The following MFSD6 variants were observed in gnomAD, a reference collection of about 807,000 sequenced individuals.
The protein encoded by MFSD6 is major facilitator superfamily domain containing 6.
Under a neutral mutation model 56.3 loss-of-function variants are expected in MFSD6, and 26 were observed. That is an observed-to-expected ratio of 0.46 (90% CI 0.34 to 0.64). The LOEUF (loss-of-function observed/expected upper bound fraction) is 0.64. MFSD6 is among the 30% of genes least tolerant of loss of function. MFSD6 has a pLI of 0.01. For synonymous variants in MFSD6, 331 were observed against 366.9 expected, an observed-to-expected ratio of 0.90 and a Z score of 1.12; for missense variants, 750 against 986.2, an observed-to-expected ratio of 0.76 and a Z score of 3.21.
In MFSD6 at chr2:190,462,596, A is replaced by C. The variant is rs1230723687; in HGVS notation, c.1533-7162A>C. 6.6e-6 allele frequency among the ~76,000 whole-genome samples: 1 copy of C among 152,176 alleles called. No individual in the cohort carries two copies. Among genetic ancestry groups the C allele is most frequent in the Admixed American group, 6.6e-5 (1 of 15,266 alleles). On this transcript the variant is annotated intron_variant, in intron 3 of 7. Coordinates refer to ENST00000392328, the MANE Select transcript of MFSD6 (RefSeq NM_017694.4). This position sits in a 1 kb window ranked among gnomAD's most constrained non-coding sequence, Gnocchi z 5.7. ...CCCAGGGTCTCAGTCTTCAGTGTGC[A>C]ACAGACTGTGATGAGTCCTCTAATG...
rs200805595 is a variant in MFSD6, at chr2:190,489,933, G to A, written c.1891+67G>A. On this transcript the variant is annotated intron_variant, in intron 6 of 7. Coordinates refer to ENST00000392328, the MANE Select transcript of MFSD6 (RefSeq NM_017694.4). This position sits in a 1 kb window ranked among gnomAD's most constrained non-coding sequence, Gnocchi z 6.6. Reference sequence around the variant, plus strand: ...GCCATGGGAAGTCAACAAATGCCCCGAGAAGCCTAGAAGTGGTACAGAGTA... The same window carrying A: ...GCCATGGGAAGTCAACAAATGCCCCAAGAAGCCTAGAAGTGGTACAGAGTA... 5.6e-6 allele frequency: 4 copies of A among 718,596 alleles called. No individual in the cohort carries two copies. Among genetic ancestry groups the A allele is most frequent in the Non-Finnish European group, 8.0e-6 (4 of 501,298 alleles). 44.5% of individuals were successfully genotyped at this position (718,596 alleles called of 1,614,324 possible). A position where few individuals can be genotyped will look rare whatever the true frequency, so the allele number is the denominator to read the frequency against.
chr2:190,492,967 TA>T lies in MFSD6; in HGVS notation c.1891+3111del, dbSNP rs112985577. On this transcript the variant is annotated intron_variant, in intron 6 of 7. Coordinates refer to ENST00000392328, the MANE Select transcript of MFSD6 (RefSeq NM_017694.4). The surrounding 1 kb of genome is among the most constrained non-coding windows in gnomAD (Gnocchi z 5.2). Reference sequence around the variant, plus strand: ...CAGGACCTATAAAACAAAATACAATTAAAAAAAAAAGCAAGGTATATAGGCA... The same window carrying T: ...CAGGACCTATAAAACAAAATACAATTAAAAAAAAAGCAAGGTATATAGGCA... 7.5e-4 allele frequency among the ~76,000 whole-genome samples: 113 copies of T among 149,816 alleles called. No individual in the cohort carries two copies. Among genetic ancestry groups the T allele is most frequent in the Middle Eastern group, 3.4e-3 (1 of 292 alleles).
chr2:190,468,752 CTCAG>C (rs1240506962), intron 3 of MFSD6, among the ~76,000 whole-genome samples: 2 of 151,842 alleles, frequency 1.3e-5, no homozygotes, highest in East Asian at 3.9e-4. Flanking sequence ...AGTCAATACA[CTCAG>C]TCAGGAATGA....
chr2:190,447,868 C>A lies in MFSD6; in HGVS notation c.1532+10307C>A, dbSNP rs1424264451. ...TTTTATCATCCCTTGAAAAGAACAT[C>A]TTTGCAAAGAAATATCTTACCATGT... is the stretch of plus-strand genomic sequence containing the variant. On this transcript the variant is annotated intron_variant, in intron 3 of 7. Transcript: ENST00000392328. The surrounding 1 kb of genome is among the most constrained non-coding windows in gnomAD (Gnocchi z 4.5). Among the ~76,000 whole-genome samples, 1 of 152,268 alleles carries A rather than the reference C, an allele frequency of 6.6e-6. No homozygotes were observed. Among genetic ancestry groups the A allele is most frequent in the East Asian group, 1.9e-4 (1 of 5,184 alleles).
At chr2:190,422,957 A>AAAGCCTTTGATGGTGTGGG (rs1559103728) in intron 2 of MFSD6, among the ~76,000 whole-genome samples, 2 of 152,004 alleles carry the variant, frequency 1.3e-5, no homozygotes, top group East Asian at 1.9e-4. Flanking sequence ...TACAAAGTCA[A>AAAGCCTTTGATGGTGTGGG]CACTTCATGA....
In MFSD6 at chr2:190,469,998, G is replaced by C. The variant is rs1687825998; in HGVS notation, c.1630+143G>C. ...ATTTTGAAGTGGTTGTTAAGGAAGAGATGACATCAGGAGGGATGGTTCCTT... is the reference window on the plus strand; with the variant it reads ...ATTTTGAAGTGGTTGTTAAGGAAGACATGACATCAGGAGGGATGGTTCCTT... On this transcript the variant is annotated intron_variant, in intron 4 of 7. Transcript: ENST00000392328. The surrounding 1 kb of genome is among the most constrained non-coding windows in gnomAD (Gnocchi z 5.3). 1 of 590,134 alleles carries C rather than the reference G, an allele frequency of 1.7e-6. No homozygotes were observed. Among genetic ancestry groups the C allele is most frequent in the Admixed American group, 3.2e-5 (1 of 31,138 alleles). 36.6% of individuals were successfully genotyped at this position (590,134 alleles called of 1,614,324 possible).
At position 190,498,283 on chromosome 2, in the gene MFSD6, G is replaced by A. The variant is rs1456716371; in HGVS notation, c.2172+564G>A. On this transcript the variant is annotated intron_variant, in intron 7 of 7. Coordinates refer to ENST00000392328, the MANE Select transcript of MFSD6 (RefSeq NM_017694.4). The surrounding 1 kb of genome is among the most constrained non-coding windows in gnomAD (Gnocchi z 5.9). Reference sequence around the variant, plus strand: ...TAAAAGTGTGGATAATTGTACAGGTGTATCCCGACTTTGGAAAATGAGTGT... The same window carrying A: ...TAAAAGTGTGGATAATTGTACAGGTATATCCCGACTTTGGAAAATGAGTGT... Among the ~76,000 whole-genome samples the A allele has an allele frequency of 6.6e-6, 1 of 152,192 alleles. No homozygotes were observed. Among genetic ancestry groups the A allele is most frequent in the Non-Finnish European group, 1.5e-5 (1 of 68,040 alleles).
At chr2:190,479,858 TG>T (rs961761210) in intron 4 of MFSD6, among the ~76,000 whole-genome samples, 4 of 152,312 alleles carry the variant, frequency 2.6e-5, no homozygotes, top group African/African-American at 9.6e-5. Flanking sequence ...TGATGAAAGA[TG>T]TTTTTTTTAA....
At chr2:190,429,112 C>T (rs1241526913) in intron 2 of MFSD6, among the ~76,000 whole-genome samples, 5 of 151,854 alleles carry the variant, frequency 3.3e-5, no homozygotes, top group Admixed American at 2.6e-4. Context: ...TTGTGAGGTG[C>T]CTATTCAAGC....
chr2:190,480,555 T>C (rs1281596159), intron 4 of MFSD6, among the ~76,000 whole-genome samples: 1 of 152,222 alleles, frequency 6.6e-6, no homozygotes, highest in Non-Finnish European at 1.5e-5. Flanking sequence ...AAATCACCCA[T>C]GTATTTTAAT....
In MFSD6 at chr2:190,469,919, G is replaced by T; in HGVS notation, c.1630+64G>T. The T allele has an allele frequency of 8.7e-7, 1 of 1,155,304 alleles. No homozygotes were observed. 71.6% of individuals were successfully genotyped at this position (1,155,304 alleles called of 1,614,324 possible). A position where few individuals can be genotyped will look rare whatever the true frequency, so the allele number is the denominator to read the frequency against. On this transcript the variant is annotated intron_variant, in intron 4 of 7. Coordinates refer to ENST00000392328, the MANE Select transcript of MFSD6 (RefSeq NM_017694.4). This position sits in a 1 kb window ranked among gnomAD's most constrained non-coding sequence, Gnocchi z 5.3. ...TCCCTGAGCTGTGGCTAAAAGCCCA[G>T]TGGCCTTCAGCATCTGATTCTATAA...
Position 190,437,577 on chromosome 2 carries a change from C to T in MFSD6, c.1532+16C>T, listed in dbSNP as rs181807426. On this transcript the variant is annotated intron_variant, in intron 3 of 7. Transcript: ENST00000392328. This position sits in a 1 kb window ranked among gnomAD's most constrained non-coding sequence, Gnocchi z 5.9. ...GCCACATCAGGTAAGAACATGCTTA[C>T]GATTGCTGCCCCTCAGCAATTGAAC... 4.4e-4 allele frequency: 698 copies of T among 1,601,080 alleles called. 1 individual carries two copies. The Middle Eastern group carries it at 8.7e-3, about 20-fold the overall frequency.
Position 190,461,272 on chromosome 2 carries a change from T to G in MFSD6, c.1533-8486T>G, listed in dbSNP as rs1294276475. Among the ~76,000 whole-genome samples the G allele has an allele frequency of 6.6e-6, 1 of 152,230 alleles. No individual in the cohort carries two copies. The highest frequency in any genetic ancestry group is 1.5e-5 in the Non-Finnish European group (1 of 68,040). Reference sequence around the variant, plus strand: ...TGAAACACAGTGACTTGATGTCTGTTCATTCTTTGAGAAAGTAGACATGCA... The same window carrying G: ...TGAAACACAGTGACTTGATGTCTGTGCATTCTTTGAGAAAGTAGACATGCA... On this transcript the variant is annotated intron_variant, in intron 3 of 7. Transcript: ENST00000392328. The surrounding 1 kb of genome is among the most constrained non-coding windows in gnomAD (Gnocchi z 5.5).
chr2:190,493,234 C>G (rs1017004388), intron 6 of MFSD6, among the ~76,000 whole-genome samples: 10 of 151,958 alleles, frequency 6.6e-5, no homozygotes, highest in African/African-American at 2.2e-4. Flanking sequence ...AGTAGCTATT[C>G]TTACATCAGA....
rs1310879421 is a variant in MFSD6, at chr2:190,500,240, C to T, written c.*22C>T. 6.2e-7 allele frequency: 1 copy of T among 1,613,306 alleles called. No homozygotes were observed. Among genetic ancestry groups the T allele is most frequent in the South Asian group, 1.1e-5 (1 of 91,032 alleles). ...CTGAGGGCATCCTGCTCATCTCACA[C>T]CCTGCATGGAATCAGGCTCCTCAGC... On this transcript the variant is annotated 3_prime_UTR_variant, in exon 8 of 8. Transcript: ENST00000392328. This position sits in a 1 kb window ranked among gnomAD's most constrained non-coding sequence, Gnocchi z 5.3.
At position 190,497,831 on chromosome 2, in the gene MFSD6, G is replaced by C; in HGVS notation, c.2172+112G>C. 1 of 1,292,928 alleles carries C rather than the reference G, an allele frequency of 7.7e-7. No homozygotes were observed. The highest frequency in any genetic ancestry group is 1.1e-6 in the Non-Finnish European group (1 of 941,318). 80.1% of individuals were successfully genotyped at this position (1,292,928 alleles called of 1,614,324 possible). A position where few individuals can be genotyped will look rare whatever the true frequency, so the allele number is the denominator to read the frequency against. On this transcript the variant is annotated intron_variant, in intron 7 of 7. Coordinates refer to ENST00000392328, the MANE Select transcript of MFSD6 (RefSeq NM_017694.4). This position sits in a 1 kb window ranked among gnomAD's most constrained non-coding sequence, Gnocchi z 5.2. ...AACAAGATTTATTGAAAGTCTGGTG[G>C]GGGAAATAGACATGCAAACAATTTC...
rs146259295 is a variant in MFSD6 at position 190,416,032 on chromosome 2, A to C, written c.-54+619A>C. 1.6e-3 allele frequency among the ~76,000 whole-genome samples: 245 copies of C among 152,316 alleles called. 8 individuals are homozygous for C. In the East Asian group the frequency reaches 0.043, roughly 27 times the overall value. On this transcript the variant is annotated intron_variant, in intron 2 of 7. Coordinates refer to ENST00000392328, the MANE Select transcript of MFSD6 (RefSeq NM_017694.4). The surrounding 1 kb of genome is among the most constrained non-coding windows in gnomAD (Gnocchi z 4.1). ...GTTCTAAGACAGGAAGCTTATTTGA[A>C]AGGTAGAAGGAAATGAAGTTCTGGG...
rs748516248 is a variant in MFSD6 at position 190,429,227 on chromosome 2, C to T, written c.-53-6750C>T. 2.3e-3 allele frequency among the ~76,000 whole-genome samples: 341 copies of T among 148,910 alleles called. 2 individuals are homozygous for T. The highest frequency in any genetic ancestry group is 0.014 in the South Asian group (64 of 4,688). On this transcript the variant is annotated intron_variant, in intron 2 of 7. Transcript: ENST00000392328. ...ATATATCTGTATAATTCTTTTGTTACGTGTGTGTGTGTGTGTGTGTGTATA... is the reference window on the plus strand; with the variant it reads ...ATATATCTGTATAATTCTTTTGTTATGTGTGTGTGTGTGTGTGTGTGTATA...
rs1044962560 is a variant in MFSD6 at position 190,487,624 on chromosome 2, A to G, written c.1631-1033A>G. On this transcript the variant is annotated intron_variant, in intron 4 of 7. Transcript: ENST00000392328. This position sits in a 1 kb window ranked among gnomAD's most constrained non-coding sequence, Gnocchi z 5.5. The stretch of plus-strand genomic sequence containing the variant: ...ATAAACATTTCTTCAAAGAAGATAT[A>G]GATGGCCAATAAACACCTAAAAGGT... Among the ~76,000 whole-genome samples, 5 of 152,258 alleles carry G rather than the reference A, an allele frequency of 3.3e-5. No homozygotes were observed. Among genetic ancestry groups the G allele is most frequent in the African/African-American group, 1.2e-4 (5 of 41,472 alleles).
Sources: allele counts gnomAD v4.1 joint callset (sites outside exome capture counted in the v4.1 genomes callset), GRCh38; gene constraint gnomAD v4.1.1; non-coding constraint Gnocchi (gnomAD v3.1); transcripts MANE v1.5; gene names NCBI Gene and HGNC (gene_info 2026-07-23, HGNC 2026-07-21).